RBFOX1: variants seen among roughly 807,000 people sequenced by gnomAD.
The protein encoded by RBFOX1 is RNA binding protein fox-1 homolog 1.
In RBFOX1, 8 loss-of-function variants were observed where a neutral mutation model predicts 57.7. The ratio of observed to expected loss-of-function variants is 0.14; its 90% CI spans 0.08 to 0.25. RBFOX1 has a LOEUF of 0.25. Among genes scored for constraint, RBFOX1 ranks in the 10% least tolerant of loss-of-function variants. The pLI is 1.00. For missense variants in RBFOX1, 611 were observed against 548.5 expected, an observed-to-expected ratio of 1.11 and a Z score of -1.14; for synonymous variants, 326 against 222.4, an observed-to-expected ratio of 1.47 and a Z score of -4.15.
intron 4 of RBFOX1, among the ~76,000 whole-genome samples, chr16:7,466,602 G>C (rs2060569997): frequency 1.3e-5 from 2 of 152,174 alleles, no homozygotes; most frequent in African/African-American, 4.8e-5. Context: ...TCATTGATCT[G>C]GATCCCAGCT....
chr16:7,255,792 C>T (rs1603450405), intron 4 of RBFOX1, among the ~76,000 whole-genome samples: 1 of 152,092 alleles, frequency 6.6e-6, no homozygotes, highest in Non-Finnish European at 1.5e-5. Context: ...ATATATTTTA[C>T]ATTTTTTTGT....
intron 3 of RBFOX1, among the ~76,000 whole-genome samples, chr16:6,956,514 G>C (rs951452681): frequency 1.2e-4 from 18 of 152,258 alleles, no homozygotes; most frequent in African/African-American, 4.1e-4. Context: ...GAGTAAACCT[G>C]GAGTGGGGAA....
intron 3 of RBFOX1, among the ~76,000 whole-genome samples, chr16:7,026,508 C>T (rs1284984761): frequency 6.6e-6 from 1 of 151,956 alleles, no homozygotes; most frequent in East Asian, 1.9e-4. Flanking sequence ...CTTCTTCTCT[C>T]TGTTTCTATC....
chr16:5,811,707 C>T lies in RBFOX1; in HGVS notation c.319-55596C>T, dbSNP rs535214699. 6.0e-4 allele frequency among the ~76,000 whole-genome samples: 91 copies of T among 151,562 alleles called. 1 individual carries two copies. The highest frequency in any genetic ancestry group is 2.1e-3 in the African/African-American group (87 of 41,312). ...TTCGTGGTCTGCCCGCCTTGGCCTC[C>T]CAAAGTGCTGGGATTACAGACGTGA... On this transcript the variant is annotated intron_variant, in intron 3 of 19. Transcript: ENST00000641259.
chr16:6,650,294 T>C (rs1041804630), intron 2 of RBFOX1, among the ~76,000 whole-genome samples: 4 of 151,842 alleles, frequency 2.6e-5, no homozygotes, highest in Non-Finnish European at 2.9e-5. Context: ...ATTTTTTTCT[T>C]TTTTTGCTGT....
intron 4 of RBFOX1, among the ~76,000 whole-genome samples, chr16:7,504,763 A>ATATT (rs1567554666): frequency 6.1e-4 from 7 of 11,436 alleles, no homozygotes; most frequent in African/African-American, 9.2e-4. Context: ...ATTTATATAT[A>ATATT]TATATATTTA....
chr16:6,562,554 G>T (rs147518781), intron 2 of RBFOX1, among the ~76,000 whole-genome samples: 5 of 152,154 alleles, frequency 3.3e-5, no homozygotes, highest in African/African-American at 4.8e-5. Flanking sequence ...ATGAAGACAC[G>T]ATGTGTGTAA....
At chr16:7,503,122 C>G (rs931155735) in intron 4 of RBFOX1, among the ~76,000 whole-genome samples, 2 of 152,210 alleles carry the variant, frequency 1.3e-5, no homozygotes, top group Non-Finnish European at 1.5e-5. Context: ...TTTCTCTTCA[C>G]TAGAACATTC....
Position 7,119,920 on chromosome 16 carries a change from G to C in RBFOX1, c.27+67822G>C, listed in dbSNP as rs572978308. 2.4e-3 allele frequency among the ~76,000 whole-genome samples: 361 copies of C among 152,190 alleles called. 4 individuals are homozygous for C. Among genetic ancestry groups the C allele is most frequent in the African/African-American group, 8.3e-3 (347 of 41,564 alleles). ...ATGTCCGTTCTGTTCAAGTCCACAT[G>C]AGATATTTACCAAGATAAACCATAT... On this transcript the variant is annotated intron_variant, in intron 4 of 15. Coordinates refer to ENST00000550418, the MANE Select transcript of RBFOX1 (RefSeq NM_018723.4).
intron 2 of RBFOX1, among the ~76,000 whole-genome samples, chr16:5,492,879 G>T (rs1597286467): frequency 6.6e-6 from 1 of 152,222 alleles, no homozygotes; most frequent in South Asian, 2.1e-4. Context: ...CTCTATGGGA[G>T]AGGAAATCTG....
At chr16:6,889,649 A>G (rs1292824825) in intron 3 of RBFOX1, among the ~76,000 whole-genome samples, 1 of 152,164 alleles carries the variant, frequency 6.6e-6, no homozygotes, top group African/African-American at 2.4e-5. Context: ...GCCCATCCTC[A>G]ATCCACCAGC....
intron 4 of RBFOX1, among the ~76,000 whole-genome samples, chr16:7,074,893 G>C (rs2058024645): frequency 1.3e-5 from 2 of 152,114 alleles, no homozygotes; most frequent in African/African-American, 2.4e-5. Flanking sequence ...GTTCTCTAAA[G>C]CCATCCCCCA....
intron 1 of RBFOX1, among the ~76,000 whole-genome samples, chr16:6,177,985 A>G (rs1233850271): frequency 6.7e-6 from 1 of 150,222 alleles, no homozygotes; most frequent in African/African-American, 2.4e-5. Context: ...AACATTTTGG[A>G]TACTTTCTGA....
At position 7,262,452 on chromosome 16, in the gene RBFOX1, A is replaced by T. The variant is rs180785262; in HGVS notation, c.27+210354A>T. Among the ~76,000 whole-genome samples the T allele has an allele frequency of 6.2e-4, 94 of 152,344 alleles. 2 individuals are homozygous for T. The East Asian group carries it at 0.012, about 19-fold the overall frequency. ...ATAAGTGAAAGGTAAATAACTGGAT[A>T]TATGTCTATAGATGTGGATCTATGT... On this transcript the variant is annotated intron_variant, in intron 4 of 15. Transcript: ENST00000550418.
chr16:6,995,993 T>C (rs941146180), intron 3 of RBFOX1, among the ~76,000 whole-genome samples: 31 of 152,206 alleles, frequency 2.0e-4, no homozygotes, highest in Admixed American at 1.5e-3. Flanking sequence ...ATTGGAAGTA[T>C]ATTTATAGCA....
At chr16:6,388,303 G>C (rs946938033) in intron 2 of RBFOX1, among the ~76,000 whole-genome samples, 1 of 151,854 alleles carries the variant, frequency 6.6e-6, no homozygotes, top group Non-Finnish European at 1.5e-5. Context: ...TGAACTTGGG[G>C]GACGTAGGTC....
chr16:5,496,181 G>A (rs913787870), intron 2 of RBFOX1, among the ~76,000 whole-genome samples: 8 of 152,066 alleles, frequency 5.3e-5, no homozygotes, highest in African/African-American at 9.7e-5. Flanking sequence ...CCCAAACCCC[G>A]CTGAGCACAT....
At chr16:5,369,488 C>T (rs1447146286) in intron 1 of RBFOX1, among the ~76,000 whole-genome samples, 2 of 152,200 alleles carry the variant, frequency 1.3e-5, no homozygotes, top group Non-Finnish European at 2.9e-5. Context: ...TGCTTTCAGG[C>T]ATCACCTCAT....
chr16:7,576,572 G>C (rs2093356267), intron 5 of RBFOX1, among the ~76,000 whole-genome samples: 1 of 152,090 alleles, frequency 6.6e-6, no homozygotes, highest in Non-Finnish European at 1.5e-5. Context: ...TTGTATATAA[G>C]CATACACTAC....
Sources: gnomAD v4.1 joint callset for allele counts (sites outside exome capture counted in the v4.1 genomes callset) on GRCh38, gnomAD v4.1.1 for gene constraint, MANE v1.5 for transcripts, NCBI Gene and HGNC (gene_info 2026-07-23, HGNC 2026-07-21) for gene names.